The following SASH1 variants were observed in gnomAD, a reference collection of about 807,000 sequenced individuals.
SASH1 encodes SAM and SH3 domain containing 1, also known as SAM and SH3 domain-containing protein 1.
A neutral mutation model predicts 125.2 loss-of-function variants in SASH1; 44 were observed. The observed-to-expected ratio is 0.35, with a 90% CI of 0.28 to 0.45. The LOEUF is 0.45. Ranked by LOEUF, SASH1 falls within the 20% of genes least tolerant of loss-of-function variation. The probability of loss-of-function intolerance (pLI) is 1.00; values close to 1 mark genes in which losing one functional copy is unlikely to be tolerated. For synonymous variants in SASH1, 639 were observed against 649.1 expected, an observed-to-expected ratio of 0.98 and a Z score of 0.24; for missense variants, 1,426 against 1,614.5, an observed-to-expected ratio of 0.88 and a Z score of 2.00.
At chr6:148,525,158 T>G (rs1781063858) in intron 10 of SASH1, 133 bp from the exon 11 acceptor site, 2 of 688,510 alleles carry the variant, frequency 2.9e-6, no homozygotes, top group African/African-American at 3.6e-5. Context: ...TCATCATTTC[T>G]CGTTTTCTAC....
In SASH1 at chr6:148,532,604, C is replaced by G. The variant is rs1781586682; in HGVS notation, c.1565-193C>G. 6.6e-6 allele frequency among the ~76,000 whole-genome samples: 1 copy of G among 152,184 alleles called. No homozygotes were observed. The highest frequency in any genetic ancestry group is 1.5e-5 in the Non-Finnish European group (1 of 68,028). ...GGGTAACTTGCTGTGAGTCCCCTGTCCACTGAGGAGCTGAGGGATAGCACT... is the reference window on the plus strand; with the variant it reads ...GGGTAACTTGCTGTGAGTCCCCTGTGCACTGAGGAGCTGAGGGATAGCACT... On this transcript the variant is annotated intron_variant, in intron 13 of 19. Transcript: ENST00000367467. The surrounding 1 kb of genome is among the most constrained non-coding windows in gnomAD (Gnocchi z 4.7).
intron 1 of SASH1, among the ~76,000 whole-genome samples, chr6:148,379,114 C>T (rs117321184): frequency 6.6e-6 from 1 of 152,176 alleles, no homozygotes; most frequent in Non-Finnish European, 1.5e-5. Flanking sequence ...TGTATGACAG[C>T]GAGTTTCGTA....
At position 148,495,721 on chromosome 6, in the gene SASH1, A is replaced by G. The variant is rs936098896; in HGVS notation, c.729+8006A>G. 6.6e-6 allele frequency among the ~76,000 whole-genome samples: 1 copy of G among 152,262 alleles called. No individual in the cohort carries two copies. Among genetic ancestry groups the G allele is most frequent in the African/African-American group, 2.4e-5 (1 of 41,480 alleles). Reference sequence around the variant, plus strand: ...ATGGCAGTGAATATTGATTAGATGCATAAATTATGTGAAGAGTGACACATA... The same window carrying G: ...ATGGCAGTGAATATTGATTAGATGCGTAAATTATGTGAAGAGTGACACATA... On this transcript the variant is annotated intron_variant, in intron 8 of 19. Transcript: ENST00000367467. The surrounding 1 kb of genome is among the most constrained non-coding windows in gnomAD (Gnocchi z 4.0).
At chr6:148,393,111 A>C (rs1052369462) in intron 2 of SASH1, among the ~76,000 whole-genome samples, 1 of 130,398 alleles carries the variant, frequency 7.7e-6, no homozygotes, top group Non-Finnish European at 1.5e-5. Flanking sequence ...CAGTGGTGTG[A>C]TCTCAGCTCA....
intron 1 of SASH1, among the ~76,000 whole-genome samples, chr6:148,363,266 T>C (rs1297169478): frequency 6.6e-6 from 1 of 152,192 alleles, no homozygotes. Context: ...CGGTGGATAG[T>C]GTTAGGGACG....
intron 7 of SASH1, among the ~76,000 whole-genome samples, chr6:148,487,090 T>TACACACACACACACAC (rs1448530373): frequency 4.7e-4 from 47 of 100,704 alleles, no homozygotes; most frequent in African/African-American, 1.8e-3. Context: ...AACACATATA[T>TACACACACACACACAC]ATACACACAC....
chr6:148,298,187 T>A (rs1418602480), intron 1 of SASH1, among the ~76,000 whole-genome samples: 1 of 151,788 alleles, frequency 6.6e-6, no homozygotes, highest in Non-Finnish European at 1.5e-5. Flanking sequence ...TTGTACTTTT[T>A]TTTCCAGTGG....
chr6:148,515,878 T>C (rs1413211613), intron 9 of SASH1, among the ~76,000 whole-genome samples: 1 of 152,092 alleles, frequency 6.6e-6, no homozygotes, highest in Non-Finnish European at 1.5e-5. Context: ...ATATAACAAA[T>C]AGATGGGTGG....
the SASH1 span, among the ~76,000 whole-genome samples, chr6:148,252,520 C>T: frequency 6.6e-6 from 1 of 151,336 alleles, no homozygotes; most frequent in African/African-American, 2.4e-5. Flanking sequence ...GCTTTGTCGC[C>T]CAGGCTGGAG....
chr6:148,487,335 C>G (rs1471067526), intron 7 of SASH1, among the ~76,000 whole-genome samples: 1 of 151,884 alleles, frequency 6.6e-6, no homozygotes, highest in African/African-American at 2.4e-5. Context: ...TTCTGGAACA[C>G]AGGATACAAA....
chr6:148,475,604 G>A (rs1411404123), intron 7 of SASH1, among the ~76,000 whole-genome samples: 1 of 152,094 alleles, frequency 6.6e-6, no homozygotes, highest in Admixed American at 6.6e-5. Context: ...CATGACCTTG[G>A]GGAGAAACAA....
At chr6:148,287,700 GGT>G (rs66992665) in intron 1 of SASH1, among the ~76,000 whole-genome samples, 37,814 of 95,452 alleles carry the variant, frequency 0.4, 4,845 homozygotes, top group African/African-American at 0.46. Flanking sequence ...TGTGTGGGGG[GGT>G]GGGGGGTGGT....
chr6:148,492,874 A>G (rs1378601508), intron 8 of SASH1, among the ~76,000 whole-genome samples: 2 of 143,464 alleles, frequency 1.4e-5, no homozygotes, highest in Non-Finnish European at 3.1e-5. Flanking sequence ...ATAAATAAAT[A>G]AAATCACACT....
chr6:148,380,172 C>G (rs545746436), intron 1 of SASH1, among the ~76,000 whole-genome samples: 1 of 152,188 alleles, frequency 6.6e-6, no homozygotes, highest in East Asian at 1.9e-4. Flanking sequence ...CCAGTTGCGC[C>G]GGGGAGCTGT....
intron 1 of SASH1, among the ~76,000 whole-genome samples, chr6:148,291,025 A>C (rs926276053): frequency 6.7e-6 from 1 of 149,338 alleles, no homozygotes; most frequent in Non-Finnish European, 1.5e-5. Flanking sequence ...GTATGAGAAA[A>C]TATTGCTCTG....
At position 148,387,640 on chromosome 6, in the gene SASH1, CTTT is replaced by C. The variant is rs1562371444; in HGVS notation, c.157-2493_157-2491del. Among the ~76,000 whole-genome samples the C allele has an allele frequency of 3.3e-3, 134 of 40,320 alleles. 12 individuals are homozygous for C. The highest frequency in any genetic ancestry group is 7.4e-3 in the African/African-American group (80 of 10,872). 26.5% of individuals were successfully genotyped at this position (40,320 alleles called of 152,430 possible). A position where few individuals can be genotyped will look rare whatever the true frequency, so the allele number is the denominator to read the frequency against. ...TCTTTCTTTCTTTCTTTCTTTCTTT[CTTT>C]CTTTCTTTCTTTCTTTCTTTCTTTC... On this transcript the variant is annotated intron_variant, in intron 1 of 19. Transcript: ENST00000367467.
At chr6:148,306,096 C>T (rs1233533320) in intron 1 of SASH1, among the ~76,000 whole-genome samples, 1 of 151,928 alleles carries the variant, frequency 6.6e-6, no homozygotes, top group Non-Finnish European at 1.5e-5. Context: ...AAAACAGAAC[C>T]CTGGAAGAAG....
At chr6:148,453,126 G>A (rs1273647394) in intron 4 of SASH1, among the ~76,000 whole-genome samples, 2 of 152,196 alleles carry the variant, frequency 1.3e-5, no homozygotes, top group East Asian at 3.9e-4. Context: ...TGGCGAGTGA[G>A]CCACCAGCCG....
intron 2 of SASH1, among the ~76,000 whole-genome samples, chr6:148,414,450 G>A (rs1784742731): frequency 6.6e-6 from 1 of 152,108 alleles, no homozygotes; most frequent in Non-Finnish European, 1.5e-5. Flanking sequence ...AAGTGATTTA[G>A]TCTCTCTGAG....
Sources: gnomAD v4.1 joint callset for allele counts (sites outside exome capture counted in the v4.1 genomes callset) on GRCh38, gnomAD v4.1.1 for gene constraint, Gnocchi (gnomAD v3.1) non-coding constraint, MANE v1.5 for transcripts, NCBI Gene and HGNC (gene_info 2026-07-23, HGNC 2026-07-21) for gene names.